Variants in SLC2A5 observed in about 807,000 individuals in gnomAD.
The protein encoded by SLC2A5 is solute carrier family 2, facilitated glucose transporter member 5.
SLC2A5 carries 56 observed loss-of-function variants against 50.3 expected under a neutral mutation model. That is an observed-to-expected ratio of 1.11 (90% CI 0.90 to 1.39). The LOEUF is 1.39. Ranked by LOEUF, SLC2A5 falls within the 40% of genes most tolerant of loss-of-function variation. The pLI, the probability that SLC2A5 is intolerant of heterozygous loss-of-function variation, is 0.00. For missense variants in SLC2A5, 566 were observed against 650.1 expected, an observed-to-expected ratio of 0.87 and a Z score of 1.41; for synonymous variants, 269 against 281.9, an observed-to-expected ratio of 0.95 and a Z score of 0.46.
intron 4 of SLC2A5, among the ~76,000 whole-genome samples, chr1:9,047,065 C>A (rs1437057980): frequency 6.6e-6 from 1 of 152,044 alleles, no homozygotes; most frequent in Admixed American, 6.6e-5. Flanking sequence ...GAGGCCTCTC[C>A]AGCCATGGGG....
At chr1:9,055,637 C>T (rs1381650836) in intron 3 of SLC2A5, among the ~76,000 whole-genome samples, 14 of 151,984 alleles carry the variant, frequency 9.2e-5, no homozygotes, top group Admixed American at 6.6e-4. Flanking sequence ...TAACACTGGC[C>T]ACATGCAGTG....
At chr1:9,074,295 C>T (rs1642257414), upstream of SLC2A5, among the ~76,000 whole-genome samples, 1 of 151,976 alleles carries the variant, frequency 6.6e-6, no homozygotes, top group Admixed American at 6.6e-5. Context: ...TAAGGACATG[C>T]CCAGAAGAAA....
upstream of SLC2A5, among the ~76,000 whole-genome samples, chr1:9,071,186 G>T (rs1216517209): frequency 6.6e-6 from 1 of 152,138 alleles, no homozygotes; most frequent in Non-Finnish European, 1.5e-5. Context: ...AAGGTGGGTG[G>T]ATCACCTGAG....
At chr1:9,043,988 C>T (rs1308296035) in intron 4 of SLC2A5, among the ~76,000 whole-genome samples, 2 of 150,662 alleles carry the variant, frequency 1.3e-5, no homozygotes, top group African/African-American at 4.9e-5. Context: ...TCCCAAAGTG[C>T]TGGGATTACA....
chr1:9,044,286 G>A (rs533956627), intron 4 of SLC2A5, among the ~76,000 whole-genome samples: 10 of 151,824 alleles, frequency 6.6e-5, no homozygotes, highest in South Asian at 2.1e-4. Context: ...AGCCGAGACC[G>A]TGCCACTGCA....
At chr1:9,060,999 C>A (rs553302095) in intron 1 of SLC2A5, among the ~76,000 whole-genome samples, 1 of 151,958 alleles carries the variant, frequency 6.6e-6, no homozygotes, top group East Asian at 1.9e-4. Context: ...TTAAAAAATT[C>A]TCTTCTGGGC....
At chr1:9,053,201 TA>T (rs1641638501) in intron 3 of SLC2A5, among the ~76,000 whole-genome samples, 1 of 87,842 alleles carries the variant, frequency 1.1e-5, no homozygotes, top group African/African-American at 4.7e-5. Context: ...TATATTTATA[TA>T]TTATATTTAT....
intron 1 of SLC2A5, among the ~76,000 whole-genome samples, chr1:9,068,486 T>C (rs1642141205): frequency 6.7e-6 from 1 of 150,060 alleles, no homozygotes; most frequent in Non-Finnish European, 1.5e-5. Context: ...AGTTTCGCTC[T>C]TGTTGACCAG....
intron 1 of SLC2A5, among the ~76,000 whole-genome samples, chr1:9,060,215 A>G (rs916783603): frequency 7.1e-6 from 1 of 140,468 alleles, no homozygotes; most frequent in African/African-American, 2.7e-5. Context: ...CACGCCCCTC[A>G]TGTAACAAAC....
chr1:9,046,351 G>A (rs1010156304), intron 4 of SLC2A5, among the ~76,000 whole-genome samples: 66 of 152,166 alleles, frequency 4.3e-4, no homozygotes, highest in African/African-American at 1.5e-3. Context: ...TTATGGGAGA[G>A]TTTTCTAAAA....
chr1:9,082,265 A>G (rs1371263792), intron 2 of SLC2A5, among the ~76,000 whole-genome samples: 1 of 152,220 alleles, frequency 6.6e-6, no homozygotes, highest in African/African-American at 2.4e-5. Context: ...ATACCCAAAA[A>G]GAATGAAAAA....
At position 9,039,554 on chromosome 1, in the gene SLC2A5, C is replaced by T; in HGVS notation, c.994G>A (p.Ala332Thr). 6.4e-7 allele frequency: 1 copy of T among 1,566,462 alleles called. No homozygotes were observed. The highest frequency in any genetic ancestry group is 1.2e-5 in the South Asian group (1 of 85,192). ...GAVNVVMTFC[A>T]VFVVELLGRR... ...TGGGCAGCTCCCAGGACACTCACGG[C>T]GCAGAAGGTCATGACCACGTTCACG... Residue 332 changes from alanine (A) to threonine (T), a missense_variant and splice_region_variant, in exon 8 of 12, where the codon GCC becomes ACC. By Grantham distance (58) the Ala-to-Thr change is moderately conservative. Coordinates refer to ENST00000377424, the MANE Select transcript of SLC2A5 (RefSeq NM_003039.3).
At position 9,039,968 on chromosome 1, in the gene SLC2A5, G is replaced by T. The variant is rs566162546; in HGVS notation, c.717C>A (p.Gly239=). ...CCACCTCCCTGTCCACAGAGTCCCA[G>T]CCGCGCAGCGTCTGTAGGGCTGGGG... ...AAKKALQTLR[G]WDSVDREVAE... The change falls in exon 7 of 12, where the codon GGC becomes GGA. Residue 239 remains glycine (G), a synonymous_variant. Transcript: ENST00000377424. 10 of 1,611,954 alleles carry T rather than the reference G, an allele frequency of 6.2e-6. No homozygotes were observed. In the African/African-American group the frequency reaches 1.2e-4, roughly 19 times the overall value.
At chr1:9,038,618 C>T in intron 9 of SLC2A5, 112 bp from the exon 10 acceptor site, 3 of 1,239,698 alleles carry the variant, frequency 2.4e-6, no homozygotes, top group African/African-American at 1.5e-5. Context: ...CCTCCCCCAG[C>T]AGTGCCACCT....
At chr1:9,061,501 G>C (rs558998963) in intron 1 of SLC2A5, among the ~76,000 whole-genome samples, 1 of 149,392 alleles carries the variant, frequency 6.7e-6, no homozygotes, top group African/African-American at 2.5e-5. Flanking sequence ...AGCTACTCAC[G>C]AGGCTGAGGT....
intron 2 of SLC2A5, among the ~76,000 whole-genome samples, chr1:9,076,487 G>A (rs1009497390): frequency 9.2e-5 from 14 of 152,166 alleles, no homozygotes; most frequent in Non-Finnish European, 2.1e-4. Flanking sequence ...GTGCCACTTG[G>A]CAGAATGTCA....
chr1:9,085,701 T>C (rs1471086565), intron 1 of SLC2A5, among the ~76,000 whole-genome samples: 1 of 152,120 alleles, frequency 6.6e-6, no homozygotes, highest in African/African-American at 2.4e-5. Flanking sequence ...ATTCAGATGG[T>C]TGTGTCGGGA....
intron 3 of SLC2A5, chr1:9,049,211 A>G (rs926399490): frequency 2.2e-6 from 1 of 456,142 alleles, no homozygotes. Context: ...GTGGAGCTCC[A>G]GCATTCCTAA....
intron 7 of SLC2A5, 44 bp downstream of exon 7, chr1:9,039,756 C>G: frequency 1.4e-6 from 2 of 1,441,004 alleles, no homozygotes; most frequent in South Asian, 1.4e-5. Context: ...CGCCCCGCGC[C>G]CCCCGAGCCC....
Sources: allele counts gnomAD v4.1 joint callset (sites outside exome capture counted in the v4.1 genomes callset), GRCh38; gene constraint gnomAD v4.1.1; transcripts MANE v1.5; gene names NCBI Gene and HGNC (gene_info 2026-07-23, HGNC 2026-07-21).